The following PCDHGA4 variants were observed in gnomAD, a reference collection of about 807,000 sequenced individuals.
PCDHGA4 encodes protocadherin gamma subfamily A, 4, also known as protocadherin gamma-A4.
In PCDHGA4, 38 loss-of-function variants were observed where a neutral mutation model predicts 54.6. The observed-to-expected ratio is 0.70, with a 90% CI of 0.54 to 0.91. The LOEUF (loss-of-function observed/expected upper bound fraction) is 0.91, where lower values mean the gene tolerates loss of function less well. PCDHGA4 is among the 40% of genes least tolerant of loss of function. The probability of loss-of-function intolerance (pLI) is 0.00; values close to 1 mark genes in which losing one functional copy is unlikely to be tolerated. For missense variants in PCDHGA4, 1,298 were observed against 1,220.9 expected (o/e 1.06, Z -0.94); for synonymous variants, 511 against 512.9 (o/e 1.00, Z 0.05).
chr5:141,419,671 G>T (rs532058652), intron 1 of PCDHGA4: 1 of 1,612,894 alleles, frequency 6.2e-7, no homozygotes, highest in East Asian at 2.2e-5. Context: ...ATGCCTGGCT[G>T]TCCTACCACG....
chr5:141,464,907 T>A lies in PCDHGA4; in HGVS notation c.2515-29900T>A, dbSNP rs187725683. On this transcript the variant is annotated intron_variant, in intron 1 of 3. Transcript: ENST00000571252. ...ATGGATGCCACCATGTCCAGCTAAT[T>A]TTTTTATTTTTTTGTAGAGATGTGA... 4.5e-3 allele frequency among the ~76,000 whole-genome samples: 687 copies of A among 152,148 alleles called. 4 individuals are homozygous for A. Among genetic ancestry groups the A allele is most frequent in the African/African-American group, 0.015 (630 of 41,510 alleles).
chr5:141,436,240 G>A (rs192988618), intron 1 of PCDHGA4, among the ~76,000 whole-genome samples: 2 of 152,200 alleles, frequency 1.3e-5, no homozygotes, highest in East Asian at 3.9e-4. Flanking sequence ...AGCTAACATG[G>A]TCTAATTATT....
rs752301399 is a variant in PCDHGA4, at chr5:141,357,057, G to A, written c.1950G>A (p.Val650=). Residue 650 remains valine (V), a synonymous_variant, in exon 1 of 4, where the codon GTG becomes GTA. Transcript: ENST00000571252. ...LKSSEPGLFA[V]GLHTGEVRTA... ...CCAGCGAGCCGGGACTATTTGCAGTGGGGCTGCACACAGGCGAGGTGCGCA... is the reference window on the plus strand; with the variant it reads ...CCAGCGAGCCGGGACTATTTGCAGTAGGGCTGCACACAGGCGAGGTGCGCA... 1.2e-5 allele frequency: 19 copies of A among 1,614,020 alleles called. No individual in the cohort carries two copies. In the South Asian group the frequency reaches 2.1e-4, roughly 18 times the overall value.
chr5:141,511,010 A>G lies in PCDHGA4; in HGVS notation c.2726A>G (p.Tyr909Cys), dbSNP rs1286219897. 6.2e-6 allele frequency: 10 copies of G among 1,614,054 alleles called. No homozygotes were observed. Among genetic ancestry groups the G allele is most frequent in the African/African-American group, 1.3e-5 (1 of 74,916 alleles). Residue 909 changes from tyrosine to cysteine, a missense_variant, in exon 4 of 4, where the codon TAC becomes TGC. By Grantham distance (194) the Tyr-to-Cys change is radical (BLOSUM62 -2). Coordinates refer to ENST00000571252, the MANE Select transcript of PCDHGA4 (RefSeq NM_018917.4). ...GGCACCATGGGATTGAGCGCCCGCT[A>G]CGGACCCCAGTTCACCCTGCAGCAC... Reference protein sequence around the residue: ...GAGTMGLSARYGPQFTLQHVP... With the variant: ...GAGTMGLSARCGPQFTLQHVP...
intron 1 of PCDHGA4, among the ~76,000 whole-genome samples, chr5:141,480,290 C>T (rs1053173416): frequency 2.2e-5 from 3 of 134,088 alleles, no homozygotes; most frequent in Non-Finnish European, 4.7e-5. Flanking sequence ...TGGCATGCAC[C>T]TGTGGTACCA....
At chr5:141,469,780 G>A (rs775691161) in intron 1 of PCDHGA4, among the ~76,000 whole-genome samples, 12 of 152,080 alleles carry the variant, frequency 7.9e-5, no homozygotes, top group Non-Finnish European at 1.8e-4. Context: ...ATTTATTACA[G>A]CGTTATTTGT....
chr5:141,441,789 A>G (rs889545483), intron 1 of PCDHGA4: 4 of 391,886 alleles, frequency 1.0e-5, no homozygotes, highest in Middle Eastern at 6.4e-4. Context: ...CCTGAATGAC[A>G]ACGCACCGCG....
chr5:141,409,912 C>T (rs775668669), intron 1 of PCDHGA4: 5 of 1,613,180 alleles, frequency 3.1e-6, no homozygotes, highest in Non-Finnish European at 2.5e-6. Context: ...TGGGTCCTGA[C>T]GGCTCCGCGT....
chr5:141,403,040 C>CA (rs1195249780), intron 1 of PCDHGA4: 1 of 1,613,950 alleles, frequency 6.2e-7, no homozygotes, highest in Non-Finnish European at 8.5e-7. Flanking sequence ...CAGGGCCAGT[C>CA]AGATTCGCTA....
At chr5:141,365,503 T>G (rs755169931) in intron 1 of PCDHGA4, 1 of 1,613,948 alleles carries the variant, frequency 6.2e-7, no homozygotes, top group Non-Finnish European at 8.5e-7. Flanking sequence ...GGAATTTGCC[T>G]TTTAAATTGG....
chr5:141,422,898 C>T (rs2096684110), intron 1 of PCDHGA4: 2 of 1,614,250 alleles, frequency 1.2e-6, no homozygotes, highest in Middle Eastern at 1.6e-4. Flanking sequence ...TGGACCAGAA[C>T]GACAATGCGC....
chr5:141,384,139 A>G (rs1561600498), intron 1 of PCDHGA4: 1 of 1,612,786 alleles, frequency 6.2e-7, no homozygotes. Context: ...GGACCGGGAA[A>G]CACTCTCTTT....
intron 1 of PCDHGA4, chr5:141,388,772 C>T (rs747075769): frequency 1.2e-6 from 2 of 1,613,798 alleles, no homozygotes; most frequent in Non-Finnish European, 1.7e-6. Flanking sequence ...ACTCTAACAC[C>T]GGGGAAATTA....
At chr5:141,370,582 C>T (rs1455382111) in intron 1 of PCDHGA4, 1 of 1,613,890 alleles carries the variant, frequency 6.2e-7, no homozygotes, top group Non-Finnish European at 8.5e-7. Context: ...GATTTACCTA[C>T]TAGGAACCTG....
At chr5:141,407,964 C>G in intron 1 of PCDHGA4, 1 of 683,628 alleles carries the variant, frequency 1.5e-6, no homozygotes, top group Non-Finnish European at 2.3e-6. Context: ...GCAGAGCAAG[C>G]GCTGACGCCG....
chr5:141,464,180 G>T (rs1251683320), intron 1 of PCDHGA4, among the ~76,000 whole-genome samples: 1 of 151,340 alleles, frequency 6.6e-6, no homozygotes, highest in Non-Finnish European at 1.5e-5. Flanking sequence ...CAGGAGAATT[G>T]CTTGATTTCA....
At chr5:141,373,588 T>A (rs1021552918) in intron 1 of PCDHGA4, among the ~76,000 whole-genome samples, 3 of 152,222 alleles carry the variant, frequency 2.0e-5, no homozygotes, top group African/African-American at 4.8e-5. Context: ...GGTGGTGAAA[T>A]GTGATGATAA....
In PCDHGA4 at chr5:141,432,413, G is replaced by A; in HGVS notation, c.2515-62394G>A. 1.2e-6 allele frequency: 2 copies of A among 1,614,232 alleles called. No homozygotes were observed. The highest frequency in any genetic ancestry group is 2.2e-5 in the South Asian group (2 of 91,082). Reference sequence around the variant, plus strand: ...CAGCAACGTGTCGTTGAGCCTGTTCGTGCTGGACCAGAACGACAATGCGCC... The same window carrying A: ...CAGCAACGTGTCGTTGAGCCTGTTCATGCTGGACCAGAACGACAATGCGCC... On this transcript the variant is annotated intron_variant, in intron 1 of 3. Coordinates refer to ENST00000571252, the MANE Select transcript of PCDHGA4 (RefSeq NM_018917.4). The surrounding 1 kb of genome is among the most constrained non-coding windows in gnomAD (Gnocchi z 6.0).
chr5:141,478,631 A>G (rs781339775), intron 1 of PCDHGA4: 1 of 1,553,196 alleles, frequency 6.4e-7, no homozygotes, highest in Non-Finnish European at 8.7e-7. Context: ...CTGTTTTTTT[A>G]GTGATGAAGA....
Sources: allele counts gnomAD v4.1 joint callset (sites outside exome capture counted in the v4.1 genomes callset), GRCh38; gene constraint gnomAD v4.1.1; non-coding constraint Gnocchi (gnomAD v3.1); transcripts MANE v1.5; gene names NCBI Gene and HGNC (gene_info 2026-07-23, HGNC 2026-07-21).